The following PPFIA2 variants were observed in gnomAD, a reference collection of about 807,000 sequenced individuals.
The protein encoded by PPFIA2 is liprin-alpha-2.
Under a neutral mutation model 175.5 loss-of-function variants are expected in PPFIA2, and 46 were observed. The observed-to-expected ratio is 0.26, with a 90% confidence interval of 0.21 to 0.34. The LOEUF (loss-of-function observed/expected upper bound fraction) is 0.34. Ranked by LOEUF, PPFIA2 falls within the 10% of genes least tolerant of loss-of-function variation. The pLI, the probability that PPFIA2 is intolerant of heterozygous loss-of-function variation, is 1.00. For synonymous variants in PPFIA2, 568 were observed against 511.4 expected (o/e 1.11, Z -1.49); for missense variants, 1,179 against 1,506.1 (o/e 0.78, Z 3.60).
At chr12:81,461,244 C>A (rs1010246301) in intron 4 of PPFIA2, among the ~76,000 whole-genome samples, 1 of 152,036 alleles carries the variant, frequency 6.6e-6, no homozygotes, top group African/African-American at 2.4e-5. Flanking sequence ...CCATCGACTC[C>A]CTATTTTTCA....
intron 7 of PPFIA2, among the ~76,000 whole-genome samples, chr12:81,406,589 T>C: frequency 6.6e-6 from 1 of 152,134 alleles, no homozygotes; most frequent in East Asian, 1.9e-4. Context: ...CGGGTACTTA[T>C]AGCATAAGTG....
chr12:81,475,755 C>T (rs2057387326), intron 4 of PPFIA2, among the ~76,000 whole-genome samples: 1 of 152,166 alleles, frequency 6.6e-6, no homozygotes, highest in Non-Finnish European at 1.5e-5. Context: ...TTCTGTCGCC[C>T]AGGCTGGAGT....
intron 4 of PPFIA2, among the ~76,000 whole-genome samples, chr12:81,522,729 A>G (rs1277783077): frequency 6.6e-6 from 1 of 152,178 alleles, no homozygotes. Context: ...CATGACAAAT[A>G]ACTCTTATCT....
At chr12:81,266,707 AT>A (rs769578265) in intron 30 of PPFIA2, among the ~76,000 whole-genome samples, 79 of 152,330 alleles carry the variant, frequency 5.2e-4, no homozygotes, top group Non-Finnish European at 7.5e-4. Flanking sequence ...ACTCATAAAA[AT>A]GTTTTGTAAA....
At chr12:81,707,596 T>C (rs918526770) in intron 3 of PPFIA2, among the ~76,000 whole-genome samples, 14 of 149,514 alleles carry the variant, frequency 9.4e-5, no homozygotes, top group Admixed American at 4.0e-4. Flanking sequence ...AGTTCAACCA[T>C]TGTGGAAGTC....
At chr12:81,405,202 A>T (rs563366260) in intron 8 of PPFIA2, among the ~76,000 whole-genome samples, 31 of 152,272 alleles carry the variant, frequency 2.0e-4, no homozygotes, top group African/African-American at 7.5e-4. Context: ...ATTCCATTAT[A>T]AAAAATGTAA....
intron 22 of PPFIA2, among the ~76,000 whole-genome samples, chr12:81,315,053 G>A (rs1460244420): frequency 1.3e-5 from 2 of 151,700 alleles, no homozygotes; most frequent in Non-Finnish European, 3.0e-5. Flanking sequence ...AAGTGTTAGT[G>A]TATATTTGGC....
intron 3 of PPFIA2, among the ~76,000 whole-genome samples, chr12:81,732,672 G>A (rs1374564562): frequency 1.3e-5 from 2 of 151,258 alleles, no homozygotes; most frequent in African/African-American, 2.4e-5. Flanking sequence ...GGAAAAAGAG[G>A]AAATAAAAAA....
chr12:81,640,259 T>C (rs1373054406), intron 4 of PPFIA2, among the ~76,000 whole-genome samples: 3 of 152,052 alleles, frequency 2.0e-5, no homozygotes, highest in African/African-American at 7.2e-5. Context: ...TACGATACAT[T>C]GCAATGTGAT....
At chr12:81,374,223 T>G (rs1408965624) in intron 11 of PPFIA2, among the ~76,000 whole-genome samples, 1 of 152,118 alleles carries the variant, frequency 6.6e-6, no homozygotes, top group Non-Finnish European at 1.5e-5. Context: ...CTAACAAGTT[T>G]TATACTGTAG....
In PPFIA2 at chr12:81,447,577, C is replaced by T. The variant is rs940804558; in HGVS notation, c.406-1857G>A. Among the ~76,000 whole-genome samples, 8 of 152,142 alleles carry T rather than the reference C, an allele frequency of 5.3e-5. No homozygotes were observed. The East Asian group carries it at 9.6e-4, about 18-fold the overall frequency. On this transcript the variant is annotated intron_variant, in intron 5 of 32. Coordinates refer to ENST00000549396, the MANE Select transcript of PPFIA2 (RefSeq NM_003625.5). The stretch of plus-strand genomic sequence containing the variant: ...GTAAGTTTCTCCTTTTCCCCACCTC[C>T]GCAAGTCTCTATTTCAATCCCTTAC...
chr12:81,547,959 G>C (rs1366840962), intron 4 of PPFIA2, among the ~76,000 whole-genome samples: 3 of 152,146 alleles, frequency 2.0e-5, no homozygotes, highest in Non-Finnish European at 2.9e-5. Context: ...GCTGTTGTTA[G>C]GATTTATGAG....
At chr12:81,624,627 A>T (rs2062480747) in intron 4 of PPFIA2, among the ~76,000 whole-genome samples, 1 of 146,446 alleles carries the variant, frequency 6.8e-6, no homozygotes, top group Non-Finnish European at 1.5e-5. Flanking sequence ...TATATATATA[A>T]TATATATTAT....
chr12:81,623,764 C>T (rs1172746171), intron 4 of PPFIA2, among the ~76,000 whole-genome samples: 1 of 151,768 alleles, frequency 6.6e-6, no homozygotes, highest in African/African-American at 2.4e-5. Flanking sequence ...ACTCAATTTT[C>T]CACCTAAGAT....
At chr12:81,416,773 C>A (rs1263304332) in intron 7 of PPFIA2, among the ~76,000 whole-genome samples, 1 of 151,606 alleles carries the variant, frequency 6.6e-6, no homozygotes, top group Admixed American at 6.6e-5. Context: ...TAAATGACAA[C>A]TGACTGCAGT....
chr12:81,513,707 T>TA (rs1291352687), intron 4 of PPFIA2, among the ~76,000 whole-genome samples: 1 of 152,032 alleles, frequency 6.6e-6, no homozygotes, highest in African/African-American at 2.4e-5. Flanking sequence ...TATGTAGTTT[T>TA]AAAAATCTAT....
Position 81,754,199 on chromosome 12 carries a change from G to A in PPFIA2, c.23C>T (p.Thr8Met), listed in dbSNP as rs765301222. Residue 8 changes from threonine to methionine, a missense_variant, in exon 3 of 33, where the codon ACG becomes ATG. Thr to Met is a moderately conservative substitution (Grantham distance 81, BLOSUM62 -1). Around this residue, in one of 10 missense-constraint regions of PPFIA2, gnomAD observed 128 missense variants for 141.4 expected, o/e 0.91. Transcript: ENST00000549396. MMCEVMP[T>M]INEDTPMSQR... Reference sequence around the variant, plus strand: ...GCTCATTGGGGTGTCCTCATTAATCGTGGGCATCACTTCACACATCATTGC... The same window carrying A: ...GCTCATTGGGGTGTCCTCATTAATCATGGGCATCACTTCACACATCATTGC... 3.1e-6 allele frequency: 5 copies of A among 1,606,448 alleles called. No homozygotes were observed. Among genetic ancestry groups the A allele is most frequent in the South Asian group, 1.1e-5 (1 of 89,632 alleles).
chr12:81,645,680 C>T (rs140584475), intron 4 of PPFIA2, among the ~76,000 whole-genome samples: 13 of 152,318 alleles, frequency 8.5e-5, no homozygotes, highest in Non-Finnish European at 1.9e-4. Flanking sequence ...AGACAGGACA[C>T]ACAAACTGTT....
At chr12:81,444,733 T>A (rs2050895958) in intron 6 of PPFIA2, among the ~76,000 whole-genome samples, 1 of 152,124 alleles carries the variant, frequency 6.6e-6, no homozygotes, top group Non-Finnish European at 1.5e-5. Flanking sequence ...AAAAACTAGA[T>A]ATAACTGGGA....
Sources: gnomAD v4.1 joint callset for allele counts (sites outside exome capture counted in the v4.1 genomes callset) on GRCh38, gnomAD v4.1.1 for gene constraint, gnomAD v4.1.1 regional missense constraint, MANE v1.5 for transcripts, NCBI Gene and HGNC (gene_info 2026-07-23, HGNC 2026-07-21) for gene names.